Variants in CHM observed in about 807,000 individuals in gnomAD.
The protein encoded by CHM is rab proteins geranylgeranyltransferase component A 1.
In CHM, 10 loss-of-function variants were observed where a neutral mutation model predicts 49.0. The observed-to-expected ratio is 0.20, with a 90% CI of 0.13 to 0.35. CHM has a LOEUF of 0.35. Among genes scored for constraint, CHM ranks in the 10% least tolerant of loss-of-function variants. CHM has a pLI of 1.00. For synonymous variants in CHM, 184 were observed against 167.5 expected (o/e 1.10, Z -0.76); for missense variants, 455 against 478.4 (o/e 0.95, Z 0.46).
chrX:85,984,529 C>T (rs1931805819), intron 2 of CHM, among the ~76,000 whole-genome samples: 1 of 111,749 alleles, frequency 8.9e-6, no homozygotes, highest in South Asian at 3.8e-4. Context: ...GGTACAAGCA[C>T]TTTCTAATAT....
intron 11 of CHM, among the ~76,000 whole-genome samples, chrX:85,897,308 T>C (rs1021669460): frequency 9.7e-5 from 7 of 72,341 alleles, no homozygotes; most frequent in Admixed American, 1.6e-4. Flanking sequence ...TGTGTGTGCG[T>C]GTGTGTGTGT....
At chrX:85,887,284 GTC>G (rs776461674) in intron 12 of CHM, among the ~76,000 whole-genome samples, 12 of 110,895 alleles carry the variant, frequency 1.1e-4, no homozygotes, top group South Asian at 3.9e-4. Flanking sequence ...CAGTGAATAA[GTC>G]TCATGAGATC....
chrX:85,958,112 C>T, intron 6 of CHM, 137 bp from the exon 7 acceptor site: 1 of 733,082 alleles, frequency 1.4e-6, no homozygotes, highest in South Asian at 2.6e-5. Flanking sequence ...CACCGTCCAT[C>T]AGTACTAATG....
At chrX:85,940,152 C>T (rs193065613) in intron 8 of CHM, among the ~76,000 whole-genome samples, 2 of 111,228 alleles carry the variant, frequency 1.8e-5, no homozygotes, top group Admixed American at 1.9e-4. Context: ...GGGGGAAGTG[C>T]TACACACTTT....
At chrX:85,878,188 G>A (rs963722292) in intron 13 of CHM, among the ~76,000 whole-genome samples, 1 of 112,054 alleles carries the variant, frequency 8.9e-6, no homozygotes, top group African/African-American at 3.2e-5. Context: ...TGCATTAAAA[G>A]ACTATTAGAG....
chrX:85,901,142 G>A lies in CHM; in HGVS notation c.1291C>T (p.His431Tyr), dbSNP rs1296563870. 1.7e-6 allele frequency: 2 copies of A among 1,200,739 alleles called. No individual in the cohort carries two copies. The highest frequency in any genetic ancestry group is 2.2e-6 in the Non-Finnish European group (2 of 889,636). Residue 431 changes from histidine (H) to tyrosine (Y), a missense_variant, in exon 10 of 15, where the codon CAT (histidine) becomes TAT (tyrosine). By Grantham distance (83) the His-to-Tyr change is moderately conservative. Transcript: ENST00000357749. ...AAGTAACTGTCCTCCACGAGGAAAT[G>A]CTCAGAGATTATTCTCTGACCAAAC... ...DQFGQRIISEHFLVEDSYFPE... is the reference protein window; with the variant it reads ...DQFGQRIISEYFLVEDSYFPE...
At chrX:85,968,775 G>A (rs1930717776) in intron 4 of CHM, among the ~76,000 whole-genome samples, 1 of 112,111 alleles carries the variant, frequency 8.9e-6, no homozygotes, top group African/African-American at 3.2e-5. Context: ...GCTAAGAGAA[G>A]TGTGGAGTGC....
At chrX:86,008,023 A>G (rs1932902555) in intron 2 of CHM, among the ~76,000 whole-genome samples, 1 of 112,215 alleles carries the variant, frequency 8.9e-6, no homozygotes, top group Admixed American at 9.4e-5. Flanking sequence ...TCCAACAATG[A>G]CAGACTGGAT....
At chrX:86,041,937 G>A (rs1202269696) in intron 1 of CHM, among the ~76,000 whole-genome samples, 2 of 109,225 alleles carry the variant, frequency 1.8e-5, no homozygotes, top group African/African-American at 3.3e-5. Context: ...GAGGACTATG[G>A]ACATCCTGTG....
At chrX:85,866,439 T>C (rs1466935754) in intron 14 of CHM, among the ~76,000 whole-genome samples, 1 of 112,921 alleles carries the variant, frequency 8.9e-6, no homozygotes, top group African/African-American at 3.2e-5. Flanking sequence ...GGCAGAAGTC[T>C]GCTGCAGGGG....
intron 13 of CHM, among the ~76,000 whole-genome samples, 162 bp downstream of exon 13, chrX:85,878,803 T>A (rs901903533): frequency 9.0e-6 from 1 of 111,507 alleles, no homozygotes; most frequent in Non-Finnish European, 1.9e-5. Context: ...TTTTCCCACA[T>A]GTTTAGGCAG....
chrX:85,999,071 T>C (rs73506468), intron 2 of CHM, among the ~76,000 whole-genome samples: 9,182 of 110,396 alleles, frequency 0.083, 928 homozygotes, highest in African/African-American at 0.29. Context: ...AATTCCTAAA[T>C]AGTCACAACT....
intron 2 of CHM, among the ~76,000 whole-genome samples, chrX:86,022,988 C>A (rs1195421062): frequency 9.0e-6 from 1 of 110,995 alleles, no homozygotes; most frequent in Non-Finnish European, 1.9e-5. Context: ...ATCTGATCCA[C>A]CACCAAAAAT....
rs762891420 is a variant in CHM, at chrX:86,004,460, A to G, written c.117-22651T>C. Among the ~76,000 whole-genome samples the G allele has an allele frequency of 3.6e-5, 4 of 112,280 alleles. No homozygotes were observed. In the East Asian group the frequency reaches 1.1e-3, roughly 32 times the overall value. On this transcript the variant is annotated intron_variant, in intron 2 of 14. Coordinates refer to ENST00000357749, the MANE Select transcript of CHM (RefSeq NM_000390.4). ...GCTAAATGCCCCAATTAAAAGACACAGACTGGCAAATTGGATAGAGTCAAG... is the reference window on the plus strand; with the variant it reads ...GCTAAATGCCCCAATTAAAAGACACGGACTGGCAAATTGGATAGAGTCAAG...
chrX:85,889,666 C>G (rs769398267), intron 12 of CHM, among the ~76,000 whole-genome samples: 28 of 111,785 alleles, frequency 2.5e-4, no homozygotes, highest in Non-Finnish European at 4.7e-4. Context: ...AAACTTAGAA[C>G]AGAGCTACCA....
chrX:85,881,001 T>C (rs1338199962), intron 12 of CHM, among the ~76,000 whole-genome samples: 1 of 112,278 alleles, frequency 8.9e-6, no homozygotes, highest in East Asian at 2.8e-4. Flanking sequence ...CAACATTTGT[T>C]TATTAATCTT....
At chrX:85,940,902 T>C (rs1257243853) in intron 8 of CHM, among the ~76,000 whole-genome samples, 1 of 111,181 alleles carries the variant, frequency 9.0e-6, no homozygotes, top group Non-Finnish European at 1.9e-5. Flanking sequence ...CTTCTGATCA[T>C]GCATTCATAC....
intron 9 of CHM, among the ~76,000 whole-genome samples, chrX:85,906,060 T>C (rs1321906703): frequency 9.0e-6 from 1 of 111,713 alleles, no homozygotes; most frequent in East Asian, 2.8e-4. Context: ...GTATCCCCAG[T>C]GCCTGGCAAA....
chrX:86,019,996 A>G (rs919833414), intron 2 of CHM, among the ~76,000 whole-genome samples: 3 of 111,007 alleles, frequency 2.7e-5, no homozygotes, highest in African/African-American at 9.8e-5. Context: ...AGATGAGATT[A>G]AAGATAATTA....
Sources: allele counts gnomAD v4.1 joint callset (sites outside exome capture counted in the v4.1 genomes callset), GRCh38; gene constraint gnomAD v4.1.1; transcripts MANE v1.5; gene names NCBI Gene and HGNC (gene_info 2026-07-23, HGNC 2026-07-21).